PCDHA3: variants seen among roughly 807,000 people sequenced by gnomAD.
The protein encoded by PCDHA3 is protocadherin alpha 3, also known as protocadherin alpha-3.
PCDHA3 carries 41 observed loss-of-function variants against 62.2 expected under a neutral mutation model. The observed-to-expected ratio is 0.66, with a 90% CI of 0.51 to 0.86. The LOEUF (loss-of-function observed/expected upper bound fraction) is 0.86, where lower values mean the gene tolerates loss of function less well. Among genes scored for constraint, PCDHA3 ranks in the 40% least tolerant of loss-of-function variants. PCDHA3 has a pLI of 0.00. For synonymous variants in PCDHA3, 640 were observed against 555.4 expected (o/e 1.15, Z -2.14); for missense variants, 1,304 against 1,241.2 (o/e 1.05, Z -0.76).
At chr5:140,870,077 G>T (rs2051636689) in intron 1 of PCDHA3, 1 of 1,613,688 alleles carries the variant, frequency 6.2e-7, no homozygotes, top group African/African-American at 1.3e-5. Context: ...ACAGATAAGG[G>T]GACTCCCCCA....
At chr5:140,818,735 G>C (rs1766429192) in intron 1 of PCDHA3, among the ~76,000 whole-genome samples, 1 of 152,168 alleles carries the variant, frequency 6.6e-6, no homozygotes, top group Non-Finnish European at 1.5e-5. Context: ...CTACTTGGGA[G>C]GCTGAAGTTG....
chr5:140,847,731 T>C lies in PCDHA3; in HGVS notation c.2394+44140T>C, dbSNP rs1031856254. ...GTATAAATGCTACAAAAGAGAAAAA[T>C]ATATTTTCTCCCCACGCAACACAAG... On this transcript the variant is annotated intron_variant, in intron 1 of 3. Coordinates refer to ENST00000522353, the MANE Select transcript of PCDHA3 (RefSeq NM_018906.3). 2.7e-5 allele frequency: 4 copies of C among 149,230 alleles called. No homozygotes were observed. The East Asian group carries it at 7.8e-4, about 29-fold the overall frequency. The allele number at this position is 149,230 out of a possible 1,614,324, so 9.2% of individuals were successfully genotyped here. A position where few individuals can be genotyped will look rare whatever the true frequency, so the allele number is the denominator to read the frequency against.
chr5:140,909,061 A>G (rs2074290709), intron 1 of PCDHA3, among the ~76,000 whole-genome samples: 2 of 152,188 alleles, frequency 1.3e-5, no homozygotes, highest in African/African-American at 4.8e-5. Context: ...CAAATGTCTC[A>G]CCAATAAGCC....
intron 1 of PCDHA3, among the ~76,000 whole-genome samples, chr5:140,901,699 A>G (rs1373176124): frequency 6.6e-6 from 1 of 152,124 alleles, no homozygotes; most frequent in East Asian, 1.9e-4. Context: ...TTGTAGTTCT[A>G]TATACATTTT....
chr5:140,821,556 G>C (rs1766999571), intron 1 of PCDHA3: 1 of 514,542 alleles, frequency 1.9e-6, no homozygotes, highest in African/African-American at 1.9e-5. Context: ...TCCACATGAT[G>C]TCGCTGGACA....
At chr5:140,967,014 G>T in intron 1 of PCDHA3, 1 of 1,606,958 alleles carries the variant, frequency 6.2e-7, no homozygotes, top group Non-Finnish European at 8.5e-7. Flanking sequence ...AACCATCTGG[G>T]TGCGCCCAGT....
chr5:140,831,358 T>TTG (rs1379903906), intron 1 of PCDHA3: 4 of 110,904 alleles, frequency 3.6e-5, no homozygotes, highest in Non-Finnish European at 5.7e-5. Flanking sequence ...ATTCACTATT[T>TTG]TGTATGTGTG....
chr5:141,011,325 A>G lies in PCDHA3; in HGVS notation c.*1388A>G, dbSNP rs533115888. 1 of 153,778 alleles carries G rather than the reference A, an allele frequency of 6.5e-6. No individual in the cohort carries two copies. Among genetic ancestry groups the G allele is most frequent in the African/African-American group, 2.4e-5 (1 of 41,456 alleles). 9.5% of individuals were successfully genotyped at this position (153,778 alleles called of 1,614,324 possible). On this transcript the variant is annotated 3_prime_UTR_variant, in exon 4 of 4. Transcript: ENST00000522353. ...TGAATTGCTAATCTTACTAACACCTATGATGTTACCTGAAATCAATCTCCC... is the reference window on the plus strand; with the variant it reads ...TGAATTGCTAATCTTACTAACACCTGTGATGTTACCTGAAATCAATCTCCC...
At chr5:140,941,202 CCTTTCTTT>C (rs797023184) in intron 1 of PCDHA3, among the ~76,000 whole-genome samples, 5 of 122,740 alleles carry the variant, frequency 4.1e-5, no homozygotes, top group Non-Finnish European at 9.0e-5. Context: ...TTTCTTTCTT[CCTTTCTTT>C]CTTCCTTTCT....
intron 1 of PCDHA3, among the ~76,000 whole-genome samples, chr5:140,896,927 A>G (rs1453519374): frequency 6.6e-6 from 1 of 152,212 alleles, no homozygotes; most frequent in Non-Finnish European, 1.5e-5. Flanking sequence ...TAATCACATC[A>G]TGGAAAATGG....
intron 1 of PCDHA3, among the ~76,000 whole-genome samples, chr5:140,975,653 A>T (rs2096676885): frequency 6.6e-6 from 1 of 152,230 alleles, no homozygotes; most frequent in South Asian, 2.1e-4. Context: ...TATTTCATTG[A>T]GTAGTTGTGT....
chr5:140,869,964 T>A (rs546576795), intron 1 of PCDHA3: 1 of 1,613,046 alleles, frequency 6.2e-7, no homozygotes, highest in African/African-American at 1.3e-5. Context: ...TTAAGCCCAA[T>A]GGAAGACACT....
chr5:140,831,107 C>G (rs1479291703), intron 1 of PCDHA3: 1 of 152,120 alleles, frequency 6.6e-6, no homozygotes, highest in Non-Finnish European at 1.5e-5. Context: ...AGTTATCAGC[C>G]TGAATACTTC....
chr5:140,892,237 A>G (rs1288947116), intron 1 of PCDHA3, among the ~76,000 whole-genome samples: 13 of 152,180 alleles, frequency 8.5e-5, no homozygotes, highest in Non-Finnish European at 7.4e-5. Context: ...TTGTCTCCAC[A>G]TAAACCTGGT....
intron 1 of PCDHA3, chr5:140,804,662 A>G (rs1396834660): frequency 6.3e-6 from 1 of 157,588 alleles, no homozygotes; most frequent in Non-Finnish European, 1.4e-5. Flanking sequence ...GTGCCATGCA[A>G]TAAGTAGAAA....
At chr5:140,852,771 G>A (rs1284369835) in intron 1 of PCDHA3, 2 of 980,778 alleles carry the variant, frequency 2.0e-6, no homozygotes, top group African/African-American at 3.5e-5. Context: ...CTGATTATTT[G>A]ATGTGAATAG....
chr5:140,824,115 C>T, intron 1 of PCDHA3: 1 of 1,613,932 alleles, frequency 6.2e-7, no homozygotes, highest in South Asian at 1.1e-5. Flanking sequence ...AGGGTCCCAC[C>T]TCTACAGACA....
chr5:140,938,014 T>C (rs1554211943), intron 1 of PCDHA3, among the ~76,000 whole-genome samples: 6 of 152,220 alleles, frequency 3.9e-5, no homozygotes. Context: ...TCTTGCTAAA[T>C]AGTAAAATCT....
chr5:140,840,473 G>A (rs1487904967), intron 1 of PCDHA3, among the ~76,000 whole-genome samples: 6 of 151,942 alleles, frequency 3.9e-5, no homozygotes, highest in Admixed American at 3.9e-4. Context: ...GGGGAAAAAA[G>A]TTTAAAGGCA....
Sources: allele counts gnomAD v4.1 joint callset (sites outside exome capture counted in the v4.1 genomes callset), GRCh38; gene constraint gnomAD v4.1.1; transcripts MANE v1.5; gene names NCBI Gene and HGNC (gene_info 2026-07-23, HGNC 2026-07-21).